The following KIT variants were observed in gnomAD, a reference collection of about 807,000 sequenced individuals.
KIT encodes mast/stem cell growth factor receptor Kit.
Under a neutral mutation model 105.7 loss-of-function variants are expected in KIT, and 16 were observed. The observed-to-expected ratio is 0.15, with a 90% CI of 0.10 to 0.23. The LOEUF (loss-of-function observed/expected upper bound fraction) is 0.23. KIT is among the 10% of genes least tolerant of loss of function. The pLI is 1.00. For synonymous variants in KIT, 438 were observed against 441.1 expected (o/e 0.99, Z 0.09); for missense variants, 858 against 1,213.8 (o/e 0.71, Z 4.36).
At chr4:54,718,572 T>C (rs551546736) in intron 7 of KIT, among the ~76,000 whole-genome samples, 1 of 152,350 alleles carries the variant, frequency 6.6e-6, no homozygotes, top group South Asian at 2.1e-4. Context: ...GTACTACAGC[T>C]GCAGAGTTGA....
At chr4:54,662,642 G>A (rs1227818110) in intron 1 of KIT, among the ~76,000 whole-genome samples, 45 of 152,176 alleles carry the variant, frequency 3.0e-4, no homozygotes, top group Admixed American at 2.7e-3. Context: ...GCGCAATCTC[G>A]TCTCACTGCA....
intron 1 of KIT, among the ~76,000 whole-genome samples, chr4:54,678,943 C>A (rs374034445): frequency 2.6e-5 from 4 of 151,740 alleles, no homozygotes; most frequent in Non-Finnish European, 4.4e-5. Context: ...TGACCCCCTC[C>A]CCCACCTTTG....
intron 7 of KIT, among the ~76,000 whole-genome samples, chr4:54,710,656 G>T (rs927863324): frequency 6.6e-6 from 1 of 151,748 alleles, no homozygotes; most frequent in Admixed American, 6.6e-5. Flanking sequence ...TGATTCTCCT[G>T]CCACAGCCTC....
intron 8 of KIT, among the ~76,000 whole-genome samples, chr4:54,725,055 C>G (rs999649728): frequency 6.6e-6 from 1 of 152,124 alleles, no homozygotes. Flanking sequence ...GCTTAGAACT[C>G]AAACTTCAGT....
chr4:54,686,719 A>AT (rs201919677), intron 1 of KIT, among the ~76,000 whole-genome samples: 23 of 152,038 alleles, frequency 1.5e-4, no homozygotes, highest in Non-Finnish European at 2.4e-4. Context: ...TAATTTTTGT[A>AT]TTTTTTGTAG....
chr4:54,725,748 T>C (rs1311733850), intron 8 of KIT, 109 bp from the exon 9 acceptor site: 69 of 1,041,830 alleles, frequency 6.6e-5, no homozygotes, highest in South Asian at 4.9e-4. Context: ...ACATTTTCTG[T>C]TGATTATGAA....
intron 1 of KIT, among the ~76,000 whole-genome samples, 166 bp downstream of exon 1, chr4:54,658,247 C>G (rs1429785936): frequency 2.0e-5 from 3 of 152,124 alleles, no homozygotes; most frequent in African/African-American, 4.8e-5. Context: ...CTCTCCGGCG[C>G]CCTGCCTCGC....
chr4:54,736,939 TTA>T (rs1327785560), intron 19 of KIT, 119 bp downstream of exon 19: 65 of 784,742 alleles, frequency 8.3e-5, no homozygotes, highest in Non-Finnish European at 9.8e-5. Flanking sequence ...CTTGGATTCT[TTA>T]TGACACACTG....
chr4:54,722,854 TTTATATATATG>T (rs1721971333), intron 7 of KIT, among the ~76,000 whole-genome samples: 1 of 126,222 alleles, frequency 7.9e-6, no homozygotes, highest in Non-Finnish European at 1.5e-5. Context: ...TATATATATT[TTTATATATATG>T]TATATATATT....
intron 5 of KIT, 90 bp downstream of exon 5, chr4:54,703,982 G>A (rs1301427358): frequency 6.7e-6 from 7 of 1,048,770 alleles, no homozygotes; most frequent in African/African-American, 6.3e-5. Context: ...ATGGAATGTT[G>A]AACAGATTCT....
chr4:54,727,800 C>A (rs1216699977), intron 11 of KIT, 23 bp from the exon 12 acceptor site: 1 of 1,593,828 alleles, frequency 6.3e-7, no homozygotes, highest in Non-Finnish European at 8.6e-7. Flanking sequence ...TCACCACTTA[C>A]CTTGTTGTCT....
intron 9 of KIT, 33 bp downstream of exon 9, chr4:54,726,083 G>A (rs758782059): frequency 1.3e-6 from 2 of 1,544,060 alleles, no homozygotes; most frequent in Non-Finnish European, 1.8e-6. Context: ...TTAAGGGGAT[G>A]TTTAGGCTCT....
intron 7 of KIT, among the ~76,000 whole-genome samples, chr4:54,721,627 G>A (rs908292248): frequency 6.6e-6 from 1 of 152,158 alleles, no homozygotes; most frequent in African/African-American, 2.4e-5. Context: ...CATGCATGTG[G>A]ATACTCTGAT....
At chr4:54,695,850 CAT>C (rs1423633805) in intron 2 of KIT, 69 bp downstream of exon 2, 4 of 1,573,986 alleles carry the variant, frequency 2.5e-6, no homozygotes, top group Admixed American at 1.7e-5. Context: ...TTTTGGATGA[CAT>C]ATGGATGACT....
intron 1 of KIT, among the ~76,000 whole-genome samples, chr4:54,690,644 A>G (rs1719646393): frequency 6.6e-6 from 1 of 152,262 alleles, no homozygotes; most frequent in African/African-American, 2.4e-5. Flanking sequence ...ACATTTGCTA[A>G]TGCAAAAAGT....
At chr4:54,709,719 C>G (rs1475781347) in intron 7 of KIT, 180 bp downstream of exon 7, 1 of 668,892 alleles carries the variant, frequency 1.5e-6, no homozygotes, top group Non-Finnish European at 2.7e-6. Flanking sequence ...GTTCCTTGTC[C>G]TACATTTCAC....
At chr4:54,727,165 T>G (rs1577994166) in intron 9 of KIT, 53 bp from the exon 10 acceptor site, 3 of 1,489,872 alleles carry the variant, frequency 2.0e-6, no homozygotes. Context: ...GTGGCTGTGG[T>G]AGAGATCCCA....
intron 7 of KIT, among the ~76,000 whole-genome samples, chr4:54,713,932 G>C (rs941325892): frequency 6.6e-6 from 1 of 152,082 alleles, no homozygotes; most frequent in Non-Finnish European, 1.5e-5. Context: ...ATTTAAGGTG[G>C]TTTATAATGG....
intron 1 of KIT, among the ~76,000 whole-genome samples, chr4:54,686,329 A>G (rs761821087): frequency 1.3e-5 from 2 of 152,196 alleles, no homozygotes; most frequent in East Asian, 1.9e-4. Context: ...AAACTGTCCA[A>G]ATTCTGTAAA....
Sources: allele counts gnomAD v4.1 joint callset (sites outside exome capture counted in the v4.1 genomes callset), GRCh38; gene constraint gnomAD v4.1.1; transcripts MANE v1.5; gene names NCBI Gene and HGNC (gene_info 2026-07-23, HGNC 2026-07-21).